OPA3: variants seen among roughly 807,000 people sequenced by gnomAD.
OPA3 encodes outer mitochondrial membrane lipid metabolism regulator OPA3.
In OPA3, 6 loss-of-function variants were observed where a neutral mutation model predicts 4.0. That is an observed-to-expected ratio of 1.51 (90% CI 0.83 to 2.99). The LOEUF is 2.99. Ranked by LOEUF, OPA3 falls within the 30% of genes most tolerant of loss-of-function variation. The probability of loss-of-function intolerance (pLI) is 0.00; values close to 1 mark genes in which losing one functional copy is unlikely to be tolerated. For synonymous variants in OPA3, 105 were observed against 117.1 expected (o/e 0.90, Z 0.67); for missense variants, 235 against 256.2 (o/e 0.92, Z 0.56).
intron 1 of OPA3, among the ~76,000 whole-genome samples, chr19:45,572,723 C>G (rs1289822230): frequency 7.6e-6 from 1 of 131,266 alleles, no homozygotes. Context: ...CAATATATAC[C>G]TATATATCAT....
At chr19:45,558,686 G>T (rs1200223727) in intron 1 of OPA3, among the ~76,000 whole-genome samples, 1 of 151,930 alleles carries the variant, frequency 6.6e-6, no homozygotes, top group Non-Finnish European at 1.5e-5. Flanking sequence ...TTCTACAGGG[G>T]ATTTGTATGC....
intron 1 of OPA3, among the ~76,000 whole-genome samples, chr19:45,563,330 T>C (rs982471165): frequency 3.3e-5 from 5 of 151,486 alleles, no homozygotes; most frequent in African/African-American, 4.9e-5. Flanking sequence ...CAGCTAATTT[T>C]TGTATTTTTA....
rs190488484 is a variant in OPA3, at chr19:45,550,618, C to G, written c.*2896G>C. On this transcript the variant is annotated 3_prime_UTR_variant, in exon 2 of 2. Transcript: ENST00000263275. The stretch of plus-strand genomic sequence containing the variant: ...ACTGGCTGTGGCATCTCTGGCAAGT[C>G]CCTTTGCTTACCCCTGGCCTTAGTT... 1.0e-6 allele frequency: 1 copy of G among 985,960 alleles called. No homozygotes were observed. Among genetic ancestry groups the G allele is most frequent in the Non-Finnish European group, 1.2e-6 (1 of 830,330 alleles). 61.1% of individuals were successfully genotyped at this position (985,960 alleles called of 1,614,324 possible). A position where few individuals can be genotyped will look rare whatever the true frequency, so the allele number is the denominator to read the frequency against.
chr19:45,572,536 C>T (rs1273503566), intron 1 of OPA3, among the ~76,000 whole-genome samples: 1 of 109,718 alleles, frequency 9.1e-6, no homozygotes, highest in Non-Finnish European at 1.9e-5. Context: ...ATATATATAT[C>T]ATATGATATA....
downstream of OPA3, among the ~76,000 whole-genome samples, chr19:45,542,006 C>T (rs747393841): frequency 6.6e-6 from 1 of 152,204 alleles, no homozygotes; most frequent in Non-Finnish European, 1.5e-5. Context: ...TCCCTGAGTG[C>T]TTCATGCTCG....
At chr19:45,574,723 C>T (rs968841091) in intron 1 of OPA3, among the ~76,000 whole-genome samples, 3 of 152,218 alleles carry the variant, frequency 2.0e-5, no homozygotes, top group African/African-American at 7.2e-5. Context: ...CTTTCCCACA[C>T]CCACTGTGGT....
rs1969315845 is a variant in OPA3, at chr19:45,550,449, G to A, written c.*3065C>T. ...TCTCCCACTATCAACGCCACCTCTG[G>A]GATGGTCTGGGCCTCTGTGTAGAGA... On this transcript the variant is annotated 3_prime_UTR_variant, in exon 2 of 2. Coordinates refer to ENST00000263275, the MANE Select transcript of OPA3 (RefSeq NM_025136.4). 1.0e-6 allele frequency: 1 copy of A among 985,930 alleles called. No homozygotes were observed. Among genetic ancestry groups the A allele is most frequent in the Non-Finnish European group, 1.2e-6 (1 of 830,396 alleles). The allele number at this position is 985,930 out of a possible 1,614,324, so 61.1% of individuals were successfully genotyped here.
chr19:45,564,645 C>T lies in OPA3; in HGVS notation c.143-10734G>A, dbSNP rs770289948. Among the ~76,000 whole-genome samples, 4 of 152,234 alleles carry T rather than the reference C, an allele frequency of 2.6e-5. No individual in the cohort carries two copies. The South Asian group carries it at 8.3e-4, about 32-fold the overall frequency. ...GGCTCTGCTTAGCTGTGAGCCTGGC[C>T]ATGAGGTGATGACGATGGGAAGGAT... On this transcript the variant is annotated intron_variant, in intron 1 of 1. Transcript: ENST00000263275.
rs1375347759 is a variant in OPA3 at position 45,550,743 on chromosome 19, A to G, written c.*2771T>C. 1.2e-5 allele frequency: 12 copies of G among 985,772 alleles called. No homozygotes were observed. The highest frequency in any genetic ancestry group is 1.4e-5 in the Non-Finnish European group (12 of 830,004). The allele number at this position is 985,772 out of a possible 1,614,324, so 61.1% of individuals were successfully genotyped here. On this transcript the variant is annotated 3_prime_UTR_variant, in exon 2 of 2. Transcript: ENST00000263275. ...CTCTGTACCCATTGTGGAGATCCAC[A>G]TGGTGGTTCAGGTACAGCCTCAGGA...
At chr19:45,566,090 T>C (rs1428026229) in intron 1 of OPA3, among the ~76,000 whole-genome samples, 3 of 152,184 alleles carry the variant, frequency 2.0e-5, no homozygotes, top group Admixed American at 1.3e-4. Flanking sequence ...AAAGATAATA[T>C]AGCATAATCA....
intron 1 of OPA3, among the ~76,000 whole-genome samples, chr19:45,578,036 A>G (rs1228020509): frequency 2.6e-5 from 4 of 152,070 alleles, no homozygotes; most frequent in South Asian, 2.1e-4. Context: ...CTGACACAGC[A>G]AAAGAGATCT....
intron 1 of OPA3, among the ~76,000 whole-genome samples, chr19:45,559,931 G>A (rs560362949): frequency 5.9e-4 from 90 of 152,206 alleles, no homozygotes; most frequent in Middle Eastern, 6.8e-3. Context: ...TTCTGGATTC[G>A]CAAGCTGAGC....
exon 2 of OPA3, chr19:45,528,311 G>C (rs1003858694): frequency 2.0e-5 from 3 of 152,456 alleles, no homozygotes; most frequent in Admixed American, 2.0e-4. Flanking sequence ...TTCCCTGGAA[G>C]ACCCAGCATA....
intron 1 of OPA3, among the ~76,000 whole-genome samples, chr19:45,569,669 T>C (rs549702488): frequency 2.0e-5 from 3 of 152,168 alleles, no homozygotes; most frequent in African/African-American, 7.2e-5. Context: ...CCTGGGGGCT[T>C]CTGGAAAAGG....
At chr19:45,535,517 C>T (rs992702179) in intron 1 of OPA3, among the ~76,000 whole-genome samples, 6 of 151,512 alleles carry the variant, frequency 4.0e-5, no homozygotes, top group Non-Finnish European at 5.9e-5. Context: ...AACACCATGC[C>T]TGGCTAATTT....
At chr19:45,539,626 A>C (rs1969160215) in intron 1 of OPA3, among the ~76,000 whole-genome samples, 1 of 151,872 alleles carries the variant, frequency 6.6e-6, no homozygotes, top group African/African-American at 2.4e-5. Flanking sequence ...AAAAAACACA[A>C]AAATTAGCCG....
downstream of OPA3, among the ~76,000 whole-genome samples, chr19:45,543,823 TG>T (rs1969214816): frequency 6.6e-6 from 1 of 152,120 alleles, no homozygotes; most frequent in African/African-American, 2.4e-5. Context: ...ATTACACATA[TG>T]GGGTCTCTGT....
In OPA3 at chr19:45,553,310, A is replaced by G; in HGVS notation, c.*204T>C. 2 of 1,449,936 alleles carry G rather than the reference A, an allele frequency of 1.4e-6. No individual in the cohort carries two copies. Among genetic ancestry groups the G allele is most frequent in the Non-Finnish European group, 1.8e-6 (2 of 1,103,454 alleles). The allele number at this position is 1,449,936 out of a possible 1,614,324, so 89.8% of individuals were successfully genotyped here. ...AGTGGGGGATAGGAGGTGAAGGATGATGGAGGGGGCTATGTTGCAACGCTT... is the reference window on the plus strand; with the variant it reads ...AGTGGGGGATAGGAGGTGAAGGATGGTGGAGGGGGCTATGTTGCAACGCTT... On this transcript the variant is annotated 3_prime_UTR_variant, in exon 2 of 2. Transcript: ENST00000263275.
At chr19:45,562,424 C>A (rs1969518345) in intron 1 of OPA3, among the ~76,000 whole-genome samples, 2 of 150,878 alleles carry the variant, frequency 1.3e-5, no homozygotes, top group South Asian at 4.2e-4. Flanking sequence ...GGGGCGGTGG[C>A]TCACACCTGA....
Sources: gnomAD v4.1 joint callset for allele counts (sites outside exome capture counted in the v4.1 genomes callset) on GRCh38, gnomAD v4.1.1 for gene constraint, MANE v1.5 for transcripts, NCBI Gene and HGNC (gene_info 2026-07-23, HGNC 2026-07-21) for gene names.